GCH1: variants seen among roughly 807,000 people sequenced by gnomAD.
GCH1 encodes GTP cyclohydrolase 1.
A neutral mutation model predicts 25.9 loss-of-function variants in GCH1; 5 were observed. The ratio of observed to expected loss-of-function variants is 0.19; its 90% CI spans 0.10 to 0.41. GCH1 has a LOEUF of 0.41. Among genes scored for constraint, GCH1 ranks in the 10% least tolerant of loss-of-function variants. GCH1 has a pLI of 1.00. For synonymous variants in GCH1, 159 were observed against 129.6 expected, an observed-to-expected ratio of 1.23 and a Z score of -1.54; for missense variants, 261 against 336.5, an observed-to-expected ratio of 0.78 and a Z score of 1.75.
At chr14:54,898,511 CTT>C (rs2040518339) in intron 1 of GCH1, among the ~76,000 whole-genome samples, 1 of 152,198 alleles carries the variant, frequency 6.6e-6, no homozygotes, top group Non-Finnish European at 1.5e-5. Flanking sequence ...AACTTTGACT[CTT>C]TTGTAATAAC....
chr14:54,869,320 T>C (rs773570916), intron 1 of GCH1, among the ~76,000 whole-genome samples: 6 of 152,180 alleles, frequency 3.9e-5, no homozygotes, highest in African/African-American at 7.2e-5. Flanking sequence ...ATTACAGGCG[T>C]GAGCCACCAT....
intron 1 of GCH1, among the ~76,000 whole-genome samples, chr14:54,871,777 C>T (rs1210637095): frequency 2.0e-5 from 3 of 152,118 alleles, no homozygotes; most frequent in Admixed American, 6.5e-5. Context: ...TGAAATGAAG[C>T]AAGAAGAGAA....
In GCH1 at chr14:54,883,371, C is replaced by CA. The variant is rs59191993; in HGVS notation, c.344-17936dup. On this transcript the variant is annotated intron_variant, in intron 1 of 5. Transcript: ENST00000491895. The stretch of plus-strand genomic sequence containing the variant: ...TGGGCGACAGAGTGAGACTCCGACT[C>CA]AAAAAAAAAAAAAAAAAAAAAAAAA... Among the ~76,000 whole-genome samples, 386 of 55,210 alleles carry CA rather than the reference C, an allele frequency of 7.0e-3. 24 individuals are homozygous for CA. The highest frequency in any genetic ancestry group is 0.015 in the African/African-American group (250 of 16,188). The allele number at this position is 55,210 out of a possible 152,430, so 36.2% of individuals were successfully genotyped here.
chr14:54,874,802 T>C (rs2040133668), intron 1 of GCH1, among the ~76,000 whole-genome samples: 1 of 152,124 alleles, frequency 6.6e-6, no homozygotes, highest in African/African-American at 2.4e-5. Flanking sequence ...AAGGACCTCT[T>C]CAAGGAGAAC....
chr14:54,865,274 G>GA lies in GCH1; in HGVS notation c.453+52dup, dbSNP rs1451289192. The GA allele has an allele frequency of 1.2e-5, 10 of 844,652 alleles. No individual in the cohort carries two copies. The African/African-American group carries it at 1.7e-4, about 14-fold the overall frequency. 52.3% of individuals were successfully genotyped at this position (844,652 alleles called of 1,614,324 possible). A position where few individuals can be genotyped will look rare whatever the true frequency, so the allele number is the denominator to read the frequency against. On this transcript the variant is annotated intron_variant, in intron 2 of 5. Coordinates refer to ENST00000491895, the MANE Select transcript of GCH1 (RefSeq NM_000161.3). The stretch of plus-strand genomic sequence containing the variant: ...AATTTTAAATATAATTATTCTAATT[G>GA]AAAAACTTTCACTATGTTTTAAATT...
intron 1 of GCH1, among the ~76,000 whole-genome samples, chr14:54,873,447 G>C (rs566709559): frequency 1.3e-5 from 2 of 152,238 alleles, no homozygotes; most frequent in East Asian, 3.9e-4. Flanking sequence ...AGAGAAGCAA[G>C]AGCAAACATA....
chr14:54,856,045 C>T (rs1262656412), intron 3 of GCH1, among the ~76,000 whole-genome samples: 1 of 152,096 alleles, frequency 6.6e-6, no homozygotes, highest in Non-Finnish European at 1.5e-5. Flanking sequence ...AATACTGCTC[C>T]CTCTGTAATC....
chr14:54,902,822 A>C lies in GCH1; in HGVS notation c.-159T>G. 3 of 990,594 alleles carry C rather than the reference A, an allele frequency of 3.0e-6. No homozygotes were observed. In the African/African-American group the frequency reaches 5.1e-5, roughly 17 times the overall value. The allele number at this position is 990,594 out of a possible 1,614,324, so 61.4% of individuals were successfully genotyped here. A position where few individuals can be genotyped will look rare whatever the true frequency, so the allele number is the denominator to read the frequency against. ...CACACTCCGAGCCGGGAGCGGCCAC[A>C]GGCTGGAAAGCCCGGCCGCGCCTCC... On this transcript the variant is annotated 5_prime_UTR_variant, in exon 1 of 6. Transcript: ENST00000491895.
intron 1 of GCH1, among the ~76,000 whole-genome samples, chr14:54,897,291 T>TC (rs137858315): frequency 0.31 from 45,585 of 145,752 alleles, 9,369 homozygotes; most frequent in African/African-American, 0.59. Flanking sequence ...CAACCTCTAC[T>TC]CACTTTTTTT....
At chr14:54,896,050 G>A (rs1226682018) in intron 1 of GCH1, among the ~76,000 whole-genome samples, 1 of 152,122 alleles carries the variant, frequency 6.6e-6, no homozygotes, top group Non-Finnish European at 1.5e-5. Flanking sequence ...CCACACAAGA[G>A]GCACTGGGAG....
At chr14:54,860,605 G>A (rs10129468) in intron 2 of GCH1, among the ~76,000 whole-genome samples, 148,560 of 149,890 alleles carry the variant, frequency 0.99, 73,636 homozygotes, top group Middle Eastern at 1. Context: ...CAGTGGCCCA[G>A]TCTTGGCTCA....
intron 1 of GCH1, chr14:54,885,188 TC>T: frequency 4.9e-6 from 1 of 205,294 alleles, no homozygotes; most frequent in South Asian, 8.2e-5. Context: ...AACTCCTAAC[TC>T]CAGCAGGATC....
chr14:54,850,803 T>G (rs1218430656), intron 3 of GCH1, among the ~76,000 whole-genome samples: 1 of 152,204 alleles, frequency 6.6e-6, no homozygotes, highest in South Asian at 2.1e-4. Context: ...ACAAAGGACA[T>G]GAACTCATCT....
chr14:54,873,363 A>G (rs1023033209), intron 1 of GCH1, among the ~76,000 whole-genome samples: 11 of 152,370 alleles, frequency 7.2e-5, no homozygotes, highest in Non-Finnish European at 1.6e-4. Flanking sequence ...AGGGAAATTT[A>G]TAGCACTAAA....
rs114536430 is a variant in GCH1, at chr14:54,890,757, C to T, written c.343+11564G>A. On this transcript the variant is annotated intron_variant, in intron 1 of 5. Coordinates refer to ENST00000491895, the MANE Select transcript of GCH1 (RefSeq NM_000161.3). ...TGCCTTTTATTGAAAAACACTTAGA[C>T]CATAATCTCTAAACCAGCATGGACA... Among the ~76,000 whole-genome samples the T allele has an allele frequency of 9.5e-3, 1,444 of 152,248 alleles. 27 individuals are homozygous for T. Among genetic ancestry groups the T allele is most frequent in the African/African-American group, 0.033 (1,357 of 41,530 alleles).
At position 54,843,122 on chromosome 14, in the gene GCH1, AAAG is replaced by A. The variant is rs145762799; in HGVS notation, c.*892_*894del. ...GAAAAATATCTTATAAGATTAAAAA[AAAG>A]AAGAAGAAGAAACATTTTGAGGCAT... is the stretch of plus-strand genomic sequence containing the variant. On this transcript the variant is annotated 3_prime_UTR_variant, in exon 6 of 6. Transcript: ENST00000491895. 0.017 allele frequency: 26,409 copies of A among 1,509,430 alleles called. 2,835 individuals are homozygous for A. In the African/African-American group the frequency reaches 0.27, roughly 15 times the overall value. The allele number at this position is 1,509,430 out of a possible 1,614,324, so 93.5% of individuals were successfully genotyped here. A position where few individuals can be genotyped will look rare whatever the true frequency, so the allele number is the denominator to read the frequency against.
At chr14:54,864,748 A>G (rs904702453) in intron 2 of GCH1, among the ~76,000 whole-genome samples, 4 of 152,214 alleles carry the variant, frequency 2.6e-5, no homozygotes, top group Non-Finnish European at 4.4e-5. Context: ...GATTAGATCT[A>G]AAGTTTCATA....
At chr14:54,885,414 CT>C in intron 1 of GCH1, 5 of 235,936 alleles carry the variant, frequency 2.1e-5, no homozygotes, top group South Asian at 5.8e-5. Context: ...ACAGGAAGTG[CT>C]TTTTCAGGTT....
chr14:54,860,292 G>A (rs1355465879), intron 2 of GCH1, among the ~76,000 whole-genome samples: 1 of 152,116 alleles, frequency 6.6e-6, no homozygotes, highest in East Asian at 1.9e-4. Context: ...TCTTCTTTAT[G>A]GAGGAGAAAC....
Sources: gnomAD v4.1 joint callset for allele counts (sites outside exome capture counted in the v4.1 genomes callset) on GRCh38, gnomAD v4.1.1 for gene constraint, MANE v1.5 for transcripts, NCBI Gene and HGNC (gene_info 2026-07-23, HGNC 2026-07-21) for gene names.